The following ABCE1 variants were observed in gnomAD, a reference collection of about 807,000 sequenced individuals.
ABCE1 encodes the protein ATP binding cassette subfamily E member 1, also known as ATP-binding cassette sub-family E member 1.
A neutral mutation model predicts 83.4 loss-of-function variants in ABCE1; 22 were observed. That is an observed-to-expected ratio of 0.26 (90% CI 0.19 to 0.38). The LOEUF is 0.38. Among genes scored for constraint, ABCE1 ranks in the 10% least tolerant of loss-of-function variants. The probability of loss-of-function intolerance (pLI) is 1.00; values close to 1 mark genes in which losing one functional copy is unlikely to be tolerated. For missense variants in ABCE1, 330 were observed against 721.9 expected (o/e 0.46, Z 6.22); for synonymous variants, 204 against 233.7 (o/e 0.87, Z 1.16).
chr4:145,115,353 A>G (rs1290040750), intron 9 of ABCE1, among the ~76,000 whole-genome samples: 1 of 151,972 alleles, frequency 6.6e-6, no homozygotes, highest in Non-Finnish European at 1.5e-5. Context: ...GGATTTTAAG[A>G]GTAGAGAAGT....
At position 145,123,883 on chromosome 4, in the gene ABCE1, T is replaced by C. The variant is rs1749806548; in HGVS notation, c.1640+283T>C. Reference sequence around the variant, plus strand: ...TCAGCTTAACTTTTGTTTGCTTTATTATTTGAATTTCCCAAAAAAGATTGA... The same window carrying C: ...TCAGCTTAACTTTTGTTTGCTTTATCATTTGAATTTCCCAAAAAAGATTGA... On this transcript the variant is annotated intron_variant, in intron 16 of 17. Coordinates refer to ENST00000296577, the MANE Select transcript of ABCE1 (RefSeq NM_002940.3). 1.5e-5 allele frequency: 3 copies of C among 204,366 alleles called. No individual in the cohort carries two copies. The South Asian group carries it at 4.4e-4, about 30-fold the overall frequency. The allele number at this position is 204,366 out of a possible 1,614,324, so 12.7% of individuals were successfully genotyped here.
Position 145,127,799 on chromosome 4 carries a change from A to T in ABCE1, c.*226A>T. On this transcript the variant is annotated 3_prime_UTR_variant, in exon 18 of 18. Coordinates refer to ENST00000296577, the MANE Select transcript of ABCE1 (RefSeq NM_002940.3). ...AGGCTCTTTTGTGCATAATATTCTA[A>T]AATGAAGACATTTCAAGCTATACAA... 2.6e-6 allele frequency: 1 copy of T among 386,438 alleles called. No individual in the cohort carries two copies. The highest frequency in any genetic ancestry group is 5.0e-5 in the East Asian group (1 of 19,868). The allele number at this position is 386,438 out of a possible 1,614,324, so 23.9% of individuals were successfully genotyped here.
chr4:145,123,905 T>A (rs903902043), intron 16 of ABCE1: 2 of 187,950 alleles, frequency 1.1e-5, no homozygotes, highest in African/African-American at 4.6e-5. Flanking sequence ...CCAAAAAAGA[T>A]TGAAAACTAT....
chr4:145,103,053 G>A (rs1274833780), intron 1 of ABCE1, among the ~76,000 whole-genome samples: 1 of 152,076 alleles, frequency 6.6e-6, no homozygotes, highest in Admixed American at 6.5e-5. Flanking sequence ...TTCAAAGAAT[G>A]AAAGGGAGTG....
chr4:145,103,837 C>CTG, intron 1 of ABCE1, among the ~76,000 whole-genome samples: 1 of 150,448 alleles, frequency 6.6e-6, no homozygotes, highest in East Asian at 2.0e-4. Flanking sequence ...TCTCAGCTCA[C>CTG]TGTAACCTCC....
intron 4 of ABCE1, 127 bp from the exon 5 acceptor site, chr4:145,109,005 A>C (rs1210874808): frequency 3.0e-6 from 2 of 657,650 alleles, no homozygotes; most frequent in Non-Finnish European, 5.2e-6. Flanking sequence ...AATATCTGGC[A>C]TATGTTTCTT....
intron 9 of ABCE1, among the ~76,000 whole-genome samples, chr4:145,112,770 T>C (rs746792840): frequency 1.3e-5 from 2 of 152,200 alleles, no homozygotes; most frequent in Non-Finnish European, 2.9e-5. Flanking sequence ...TACGCTGTGT[T>C]TATAGGGTGC....
At chr4:145,114,220 T>A (rs1749554303) in intron 9 of ABCE1, among the ~76,000 whole-genome samples, 1 of 152,056 alleles carries the variant, frequency 6.6e-6, no homozygotes, top group South Asian at 2.1e-4. Context: ...GGAAGGCAAG[T>A]GTAAAAATAC....
intron 9 of ABCE1, among the ~76,000 whole-genome samples, chr4:145,114,383 T>C (rs1429576756): frequency 2.0e-5 from 3 of 152,140 alleles, no homozygotes; most frequent in African/African-American, 7.2e-5. Context: ...AGTATTTTTA[T>C]AGTCCCTTTT....
chr4:145,118,499 A>G (rs535164171), intron 10 of ABCE1, among the ~76,000 whole-genome samples: 19 of 151,858 alleles, frequency 1.3e-4, no homozygotes, highest in African/African-American at 4.6e-4. Context: ...CAGTAGTCTT[A>G]AGGGATGACA....
In ABCE1 at chr4:145,110,955, A is replaced by G. The variant is rs372356318; in HGVS notation, c.614-13A>G. ...GAAATACATTGAGCACAATGCCTCT[A>G]TGTTCTTTGTAGATTTAACCCACCT... On this transcript the variant is annotated splice_polypyrimidine_tract_variant and intron_variant, in intron 7 of 17. Coordinates refer to ENST00000296577, the MANE Select transcript of ABCE1 (RefSeq NM_002940.3). The G allele has an allele frequency of 7.4e-5, 117 of 1,584,138 alleles. No homozygotes were observed. Among genetic ancestry groups the G allele is most frequent in the African/African-American group, 2.6e-4 (19 of 73,820 alleles).
intron 10 of ABCE1, among the ~76,000 whole-genome samples, chr4:145,118,022 C>T (rs1036771222): frequency 4.0e-5 from 6 of 151,542 alleles, no homozygotes; most frequent in Admixed American, 6.6e-5. Context: ...AAAAAAGTAC[C>T]AATGTACTCT....
At position 145,110,362 on chromosome 4, in the gene ABCE1, T is replaced by A; in HGVS notation, c.544-13T>A. On this transcript the variant is annotated splice_polypyrimidine_tract_variant and intron_variant, in intron 6 of 17. Coordinates refer to ENST00000296577, the MANE Select transcript of ABCE1 (RefSeq NM_002940.3). ...GAAAGAAAATAGTAACTGTTTTTGG[T>A]ATATTGTGGCAGGGGACAGTGGGAT... 4.3e-6 allele frequency: 7 copies of A among 1,611,510 alleles called. No individual in the cohort carries two copies. Among genetic ancestry groups the A allele is most frequent in the Non-Finnish European group, 5.9e-6 (7 of 1,179,228 alleles).
chr4:145,123,241 A>G lies in ABCE1; in HGVS notation c.1401A>G (p.Leu467=), dbSNP rs35729907. ...QEVQTLSGGE[L]QRVALALCLG... ...TGCAGACATTATCTGGTGGTGAACT[A>G]CAGCGAGTAGCTTTAGCCCTTTGCT... Residue 467 remains leucine (L), a synonymous_variant, in exon 15 of 18, where the codon CTA becomes CTG. Coordinates refer to ENST00000296577, the MANE Select transcript of ABCE1 (RefSeq NM_002940.3). 145 of 1,609,732 alleles carry G rather than the reference A, an allele frequency of 9.0e-5. No homozygotes were observed. In the African/African-American group the frequency reaches 1.7e-3, roughly 19 times the overall value.
chr4:145,125,604 CAA>C (rs1228032084), intron 17 of ABCE1, among the ~76,000 whole-genome samples: 1 of 152,174 alleles, frequency 6.6e-6, no homozygotes, highest in East Asian at 1.9e-4. Flanking sequence ...TGTGTGAACT[CAA>C]GAGCTCTTCC....
intron 17 of ABCE1, among the ~76,000 whole-genome samples, chr4:145,126,866 T>G (rs763404602): frequency 6.6e-6 from 1 of 152,112 alleles, no homozygotes; most frequent in Non-Finnish European, 1.5e-5. Flanking sequence ...TTGGCCAGGA[T>G]AGAGAAATGG....
Position 145,121,262 on chromosome 4 carries a change from C to G in ABCE1, c.1204+29C>G, listed in dbSNP as rs200955497. The G allele has an allele frequency of 4.6e-4, 741 of 1,613,134 alleles. 1 individual carries two copies. Among genetic ancestry groups the G allele is most frequent in the Non-Finnish European group, 5.7e-4 (671 of 1,179,316 alleles). Reference sequence around the variant, plus strand: ...CATTTGTAACTGTTGAGTCTTTTTACTCTGTTTTACACAGTAAACTTTAAA... The same window carrying G: ...CATTTGTAACTGTTGAGTCTTTTTAGTCTGTTTTACACAGTAAACTTTAAA... On this transcript the variant is annotated intron_variant, in intron 12 of 17. Transcript: ENST00000296577.
chr4:145,100,648 T>C (rs1749123848), intron 1 of ABCE1, among the ~76,000 whole-genome samples: 1 of 152,238 alleles, frequency 6.6e-6, no homozygotes, highest in South Asian at 2.1e-4. Flanking sequence ...CCTCTTCTAA[T>C]CTTTACAAGA....
intron 9 of ABCE1, among the ~76,000 whole-genome samples, chr4:145,115,145 A>G (rs939368492): frequency 1.3e-5 from 2 of 151,840 alleles, no homozygotes; most frequent in African/African-American, 4.8e-5. Flanking sequence ...CCAGATTTTT[A>G]TTTCTTCCCA....
Sources: gnomAD v4.1 joint callset for allele counts (sites outside exome capture counted in the v4.1 genomes callset) on GRCh38, gnomAD v4.1.1 for gene constraint, MANE v1.5 for transcripts, NCBI Gene and HGNC (gene_info 2026-07-23, HGNC 2026-07-21) for gene names.